IRX4: variants seen among roughly 807,000 people sequenced by gnomAD.
IRX4 encodes the protein iroquois-class homeodomain protein IRX-4.
A neutral mutation model predicts 32.0 loss-of-function variants in IRX4; 22 were observed. That is an observed-to-expected ratio of 0.69 (90% CI 0.49 to 0.98). The LOEUF (loss-of-function observed/expected upper bound fraction) is 0.98. Among genes scored for constraint, IRX4 ranks in the 50% least tolerant of loss-of-function variants. The pLI, the probability that IRX4 is intolerant of heterozygous loss-of-function variation, is 0.00. For missense variants in IRX4, 840 were observed against 744.2 expected (o/e 1.13, Z -1.50); for synonymous variants, 379 against 351.7 (o/e 1.08, Z -0.87).
In IRX4 at chr5:1,878,839, G is replaced by C. The variant is rs189943636; in HGVS notation, c.737-47C>G. On this transcript the variant is annotated intron_variant, in intron 4 of 4. Transcript: ENST00000231357. ...CAGTGGAGGGAGAGGGTTGGTAGGT[G>C]AATCAGACCCCCTGTCCCCGTCCAC... 39 of 1,581,306 alleles carry C rather than the reference G, an allele frequency of 2.5e-5. No individual in the cohort carries two copies. In the African/African-American group the frequency reaches 5.0e-4, roughly 20 times the overall value.
At chr5:1,885,723 C>G (rs1735607940), upstream of IRX4, among the ~76,000 whole-genome samples, 1 of 152,204 alleles carries the variant, frequency 6.6e-6, no homozygotes, top group Non-Finnish European at 1.5e-5. Flanking sequence ...CTGCCCAAAC[C>G]GGGGATTCTC....
At position 1,878,811 on chromosome 5, in the gene IRX4, G is replaced by A; in HGVS notation, c.737-19C>T. 1 of 1,611,406 alleles carries A rather than the reference G, an allele frequency of 6.2e-7. No individual in the cohort carries two copies. The highest frequency in any genetic ancestry group is 8.5e-7 in the Non-Finnish European group (1 of 1,178,384). Reference sequence around the variant, plus strand: ...ACGGGCTCTGCGGGAGAGAATGCGTGGCCAGTGGAGGGAGAGGGTTGGTAG... The same window carrying A: ...ACGGGCTCTGCGGGAGAGAATGCGTAGCCAGTGGAGGGAGAGGGTTGGTAG... On this transcript the variant is annotated intron_variant, in intron 4 of 4. Coordinates refer to ENST00000231357, the MANE Select transcript of IRX4 (RefSeq NM_016358.3).
intron 2 of IRX4, among the ~76,000 whole-genome samples, chr5:1,881,328 G>A (rs1324239775): frequency 1.6e-5 from 2 of 125,030 alleles, no homozygotes; most frequent in African/African-American, 3.0e-5. Context: ...GCGGGGGGAG[G>A]AGCAAGGGTG....
chr5:1,885,211 A>C (rs1321565809), upstream of IRX4, among the ~76,000 whole-genome samples: 2 of 152,054 alleles, frequency 1.3e-5, no homozygotes, highest in Non-Finnish European at 2.9e-5. Flanking sequence ...CCTTCCTTCC[A>C]GACCCGGCGG....
chr5:1,885,795 G>T (rs1028148745), upstream of IRX4, among the ~76,000 whole-genome samples: 1 of 152,264 alleles, frequency 6.6e-6, no homozygotes, highest in African/African-American at 2.4e-5. Flanking sequence ...TCACCAAAAG[G>T]CCAAGCCTGG....
At position 1,878,665 on chromosome 5, in the gene IRX4, G is replaced by A. The variant is rs761411676; in HGVS notation, c.864C>T (p.Arg288=). The A allele has an allele frequency of 6.3e-6, 10 of 1,575,990 alleles. No individual in the cohort carries two copies. The South Asian group carries it at 1.0e-4, about 16-fold the overall frequency. ...PFHSLDGGLE[R]VPAAPDGPVK... is the part of the protein sequence containing the mutation. ...CCGGGCCGTCGGGCGCGGCGGGGACGCGCTCCAGACCGCCGTCCAGGGAGT... is the reference window on the plus strand; with the variant it reads ...CCGGGCCGTCGGGCGCGGCGGGGACACGCTCCAGACCGCCGTCCAGGGAGT... Residue 288 remains arginine (R), a synonymous_variant, in exon 5 of 5, where the codon CGC becomes CGT. Transcript: ENST00000231357.
Position 1,877,960 on chromosome 5 carries a change from C to T in IRX4, c.*9G>A. 6.7e-7 allele frequency: 1 copy of T among 1,492,138 alleles called. No individual in the cohort carries two copies. The highest frequency in any genetic ancestry group is 8.9e-7 in the Non-Finnish European group (1 of 1,125,854). The allele number at this position is 1,492,138 out of a possible 1,614,324, so 92.4% of individuals were successfully genotyped here. On this transcript the variant is annotated 3_prime_UTR_variant, in exon 5 of 5. Transcript: ENST00000231357. ...GCGGGTTCCCTCCTGGGCTCGGGAC[C>T]CGCCCGCCTCAGGCGCAGAAGGGTT...
chr5:1,879,387 T>A (rs900758592), intron 4 of IRX4, 117 bp downstream of exon 4: 13 of 1,510,292 alleles, frequency 8.6e-6, no homozygotes, highest in Non-Finnish European at 1.1e-5. Flanking sequence ...GTTTGCACGG[T>A]GACCGCCTAG....
upstream of IRX4, among the ~76,000 whole-genome samples, chr5:1,883,057 C>T (rs1735511504): frequency 6.6e-6 from 1 of 152,110 alleles, no homozygotes; most frequent in African/African-American, 2.4e-5. Context: ...CGGTCACTCG[C>T]CGGCGGCTCA....
chr5:1,879,811 G>A lies in IRX4; in HGVS notation c.429C>T (p.Gly143=), dbSNP rs1375673155. The change falls in exon 4 of 5, where the codon GGC becomes GGT. Residue 143 remains glycine (G), a synonymous_variant. Coordinates refer to ENST00000231357, the MANE Select transcript of IRX4 (RefSeq NM_016358.3). ...CGCGCGTGGCGTTCTTGCGCCGCGT[G>A]CCGCTGTCCATGGTTCCATACCTGG... ...PYDRYGTMDS[G]TRRKNATRET... 6.2e-7 allele frequency: 1 copy of A among 1,614,050 alleles called. No homozygotes were observed. Among genetic ancestry groups the A allele is most frequent in the Non-Finnish European group, 8.5e-7 (1 of 1,180,032 alleles).
upstream of IRX4, chr5:1,884,497 C>A (rs1307514008): frequency 2.6e-5 from 4 of 152,256 alleles, no homozygotes; most frequent in African/African-American, 9.6e-5. Flanking sequence ...TACGAGTTCT[C>A]CGATCGCGTT....
chr5:1,882,452 G>A (rs1735484831), intron 1 of IRX4, 151 bp downstream of exon 1: 2 of 680,398 alleles, frequency 2.9e-6, no homozygotes, highest in South Asian at 1.9e-5. Context: ...GGTTTGGGGA[G>A]CAGGGGTTGG....
upstream of IRX4, among the ~76,000 whole-genome samples, chr5:1,883,092 C>G (rs1436348516): frequency 2.6e-5 from 4 of 152,116 alleles, no homozygotes; most frequent in Non-Finnish European, 1.5e-5. Context: ...AGGACAGTCC[C>G]GGCCGCGCGG....
rs112909531 is a variant in IRX4, at chr5:1,878,889, T to C, written c.737-97A>G. The C allele has an allele frequency of 5.4e-5, 71 of 1,303,766 alleles. 1 individual carries two copies. In the African/African-American group the frequency reaches 8.6e-4, roughly 16 times the overall value. The allele number at this position is 1,303,766 out of a possible 1,614,324, so 80.8% of individuals were successfully genotyped here. On this transcript the variant is annotated intron_variant, in intron 4 of 4. Coordinates refer to ENST00000231357, the MANE Select transcript of IRX4 (RefSeq NM_016358.3). ...CCATTATGAGGCCTGTTCCCGACGC[T>C]ACGAAAAGCACTCGGGGCCTCTCTT...
intron 4 of IRX4, 21 bp from the exon 5 acceptor site, chr5:1,878,813 C>G (rs1290923314): frequency 1.9e-6 from 3 of 1,611,040 alleles, no homozygotes; most frequent in Admixed American, 1.7e-5. Flanking sequence ...GAATGCGTGG[C>G]CAGTGGAGGG....
chr5:1,881,664 A>G (rs1042202649), intron 2 of IRX4, 144 bp downstream of exon 2: 1 of 1,005,094 alleles, frequency 9.9e-7, no homozygotes. Context: ...CTCGGCTGGG[A>G]GGCGCAAAGT....
intron 4 of IRX4, 82 bp from the exon 5 acceptor site, chr5:1,878,874 G>T: frequency 6.9e-7 from 1 of 1,444,258 alleles, no homozygotes; most frequent in African/African-American, 1.4e-5. Context: ...CCATTATGAG[G>T]CCTGTTCCCG....
chr5:1,878,689 G>T lies in IRX4; in HGVS notation c.840C>A (p.His280Gln). The change falls in exon 5 of 5, where the codon CAC becomes CAA. Residue 280 changes from histidine to glutamine, a missense_variant. Around this residue, in one of 3 missense-constraint regions of IRX4, gnomAD observed 585 missense variants for 488.0 expected, o/e 1.20. Transcript: ENST00000231357. ...PPACELKPPF[H>Q]SLDGGLERVP... ...CGCGCTCCAGACCGCCGTCCAGGGA[G>T]TGGAAGGGCGGCTTCAGCTCGCACG... 6.2e-7 allele frequency: 1 copy of T among 1,608,956 alleles called. No individual in the cohort carries two copies.
Position 1,877,520 on chromosome 5 carries a change from G to C in IRX4, c.*449C>G, listed in dbSNP as rs1359250074. 1 of 166,216 alleles carries C rather than the reference G, an allele frequency of 6.0e-6. No individual in the cohort carries two copies. Among genetic ancestry groups the C allele is most frequent in the African/African-American group, 2.4e-5 (1 of 41,808 alleles). The allele number at this position is 166,216 out of a possible 1,614,324, so 10.3% of individuals were successfully genotyped here. On this transcript the variant is annotated 3_prime_UTR_variant, in exon 5 of 5. Transcript: ENST00000231357. ...ACATCTTAAAAAGCATCATATTATG[G>C]AGTCAAGAGTGTGCAAGAGTCAACT...
Sources: allele counts gnomAD v4.1 joint callset (sites outside exome capture counted in the v4.1 genomes callset), GRCh38; gene constraint gnomAD v4.1.1; regional missense constraint gnomAD v4.1.1; transcripts MANE v1.5; gene names NCBI Gene and HGNC (gene_info 2026-07-23, HGNC 2026-07-21).